The following PIEZO2 variants were observed in gnomAD, a reference collection of about 807,000 sequenced individuals.
PIEZO2 encodes the protein piezo-type mechanosensitive ion channel component 2.
Under a neutral mutation model 337.3 loss-of-function variants are expected in PIEZO2, and 172 were observed. The observed-to-expected ratio is 0.51, with a 90% CI of 0.45 to 0.58. The LOEUF is 0.58. Ranked by LOEUF, PIEZO2 falls within the 20% of genes least tolerant of loss-of-function variation. PIEZO2 has a pLI of 0.00. For synonymous variants in PIEZO2, 1,251 were observed against 1,228.5 expected, an observed-to-expected ratio of 1.02 and a Z score of -0.38; for missense variants, 3,028 against 3,391.3, an observed-to-expected ratio of 0.89 and a Z score of 2.66.
rs570243639 is a variant in PIEZO2, at chr18:10,726,299, C to T, written c.5029+5108G>A. On this transcript the variant is annotated intron_variant, in intron 36 of 55. Coordinates refer to ENST00000674853, the MANE Select transcript of PIEZO2 (RefSeq NM_001378183.1). This position sits in a 1 kb window ranked among gnomAD's most constrained non-coding sequence, Gnocchi z 5.9. ...AATGGAAGCGTCGCGGCCAGAGCCC[C>T]GGCCAGGTGGAGCAGGTGGGTCCCC... 3 of 1,074,932 alleles carry T rather than the reference C, an allele frequency of 2.8e-6. No homozygotes were observed. Among genetic ancestry groups the T allele is most frequent in the Middle Eastern group, 2.1e-4 (1 of 4,866 alleles). The allele number at this position is 1,074,932 out of a possible 1,614,324, so 66.6% of individuals were successfully genotyped here. A position where few individuals can be genotyped will look rare whatever the true frequency, so the allele number is the denominator to read the frequency against.
Position 10,759,671 on chromosome 18 carries a change from A to G in PIEZO2, c.3655+34T>C, listed in dbSNP as rs2038039432. ...CGTCCGCTCAGTAATGGCTTCTTCTAAAAGTAGACGGCTCAAGGGAAGGGC... is the reference window on the plus strand; with the variant it reads ...CGTCCGCTCAGTAATGGCTTCTTCTGAAAGTAGACGGCTCAAGGGAAGGGC... On this transcript the variant is annotated intron_variant, in intron 25 of 55. Transcript: ENST00000674853. This position sits in a 1 kb window ranked among gnomAD's most constrained non-coding sequence, Gnocchi z 5.5. 1 of 1,536,538 alleles carries G rather than the reference A, an allele frequency of 6.5e-7. No individual in the cohort carries two copies. Among genetic ancestry groups the G allele is most frequent in the African/African-American group, 1.4e-5 (1 of 73,044 alleles).
intron 3 of PIEZO2, among the ~76,000 whole-genome samples, chr18:10,947,196 A>G (rs550765172): frequency 6.6e-6 from 1 of 152,318 alleles, no homozygotes; most frequent in South Asian, 2.1e-4. Context: ...ACTAAAATAA[A>G]TAAATGAATC....
In PIEZO2 at chr18:11,127,549, G is replaced by C. The variant is rs137908413; in HGVS notation, c.64+20976C>G. On this transcript the variant is annotated intron_variant, in intron 1 of 55. Transcript: ENST00000674853. The surrounding 1 kb of genome is among the most constrained non-coding windows in gnomAD (Gnocchi z 4.5). ...TCTACATCTTTCTCCTGTGCTGAAT[G>C]CTTCCTGCCCTCGAACATCAGGCTC... Among the ~76,000 whole-genome samples, 3 of 152,178 alleles carry C rather than the reference G, an allele frequency of 2.0e-5. No homozygotes were observed. The highest frequency in any genetic ancestry group is 3.9e-4 in the East Asian group (2 of 5,164).
chr18:10,791,677 C>T (rs1482851858), intron 13 of PIEZO2: 1 of 159,192 alleles, frequency 6.3e-6, no homozygotes, highest in East Asian at 1.8e-4. Context: ...GACGTCATTA[C>T]AATTGTAAAA....
At position 10,767,949 on chromosome 18, in the gene PIEZO2, GCACAGGC is replaced by G. The variant is rs1227979414; in HGVS notation, c.2946+2192_2946+2198del. ...CAGAGCGTGAGGCCATCATGGGATG[GCACAGGC>G]CAAGTCACAACATCCCCATCCCAGG... On this transcript the variant is annotated intron_variant, in intron 21 of 55. Transcript: ENST00000674853. The surrounding 1 kb of genome is among the most constrained non-coding windows in gnomAD (Gnocchi z 4.2). Among the ~76,000 whole-genome samples, 3 of 152,216 alleles carry G rather than the reference GCACAGGC, an allele frequency of 2.0e-5. No individual in the cohort carries two copies. Among genetic ancestry groups the G allele is most frequent in the African/African-American group, 7.2e-5 (3 of 41,468 alleles).
intron 2 of PIEZO2, among the ~76,000 whole-genome samples, chr18:11,055,612 ACTC>A (rs1399018038): frequency 7.5e-6 from 1 of 133,256 alleles, no homozygotes; most frequent in Admixed American, 8.1e-5. Flanking sequence ...AATAACAGTG[ACTC>A]AGTGACTATT....
At chr18:10,679,046 C>T (rs1282908984) in intron 52 of PIEZO2, among the ~76,000 whole-genome samples, 2 of 151,790 alleles carry the variant, frequency 1.3e-5, no homozygotes, top group Non-Finnish European at 1.5e-5. Context: ...GATTCTCCTG[C>T]CTCAGCCTCC....
chr18:11,025,001 T>C (rs1476022072), intron 2 of PIEZO2, among the ~76,000 whole-genome samples: 1 of 151,978 alleles, frequency 6.6e-6, no homozygotes, highest in Non-Finnish European at 1.5e-5. Flanking sequence ...AAGTTGAATG[T>C]AGTACATAGC....
rs1367448772 is a variant in PIEZO2, at chr18:10,704,380, G to C, written c.6258+14C>G. 1 of 1,536,548 alleles carries C rather than the reference G, an allele frequency of 6.5e-7. No homozygotes were observed. Among genetic ancestry groups the C allele is most frequent in the South Asian group, 1.2e-5 (1 of 84,032 alleles). ...CGCCTGAAGCCATCCACAGGGGTCT[G>C]CGTCCAGGCCTACCTCAGTATAGAC... On this transcript the variant is annotated intron_variant, in intron 42 of 55. Coordinates refer to ENST00000674853, the MANE Select transcript of PIEZO2 (RefSeq NM_001378183.1).
chr18:10,725,541 C>A, intron 36 of PIEZO2: 1 of 1,377,384 alleles, frequency 7.3e-7, no homozygotes, highest in South Asian at 1.4e-5. Flanking sequence ...AGGGGCCCCA[C>A]TAACTCCCCC....
chr18:10,730,948 G>C (rs974929631), intron 36 of PIEZO2, among the ~76,000 whole-genome samples: 3 of 151,942 alleles, frequency 2.0e-5, no homozygotes, highest in Admixed American at 6.6e-5. Flanking sequence ...GGATGGTCTC[G>C]ATCTCCTGAC....
intron 3 of PIEZO2, among the ~76,000 whole-genome samples, chr18:10,934,466 A>G (rs766671207): frequency 6.0e-4 from 92 of 152,268 alleles, no homozygotes; most frequent in Middle Eastern, 3.4e-3. Context: ...GGCTTTTACA[A>G]TACCACTCCC....
chr18:10,876,890 A>C (rs1419047019), intron 4 of PIEZO2, among the ~76,000 whole-genome samples: 2 of 152,040 alleles, frequency 1.3e-5, no homozygotes, highest in Admixed American at 6.6e-5. Context: ...TGCTCTCCCA[A>C]CTGCAAGGCC....
chr18:10,817,931 A>G (rs903552774), intron 7 of PIEZO2, among the ~76,000 whole-genome samples: 3 of 152,086 alleles, frequency 2.0e-5, no homozygotes, highest in African/African-American at 4.8e-5. Flanking sequence ...AAAAAAAAAA[A>G]AAAAAAAGTA....
chr18:11,072,724 C>T (rs115035900), intron 1 of PIEZO2, among the ~76,000 whole-genome samples: 199 of 152,348 alleles, frequency 1.3e-3, no homozygotes, highest in African/African-American at 4.7e-3. Flanking sequence ...GTTTGCACCA[C>T]TGCAGTCGGG....
rs549631487 is a variant in PIEZO2 at position 11,005,339 on chromosome 18, T to G, written c.161-25679A>C. Among the ~76,000 whole-genome samples the G allele has an allele frequency of 3.7e-4, 57 of 152,362 alleles. 1 individual carries two copies. Among genetic ancestry groups the G allele is most frequent in the Admixed American group, 3.7e-3 (57 of 15,306 alleles). ...TCCCACCATGCTACACTTCATTCTC[T>G]TGTGCCCAATATAACTTTGCGTTTG... On this transcript the variant is annotated intron_variant, in intron 2 of 55. Coordinates refer to ENST00000674853, the MANE Select transcript of PIEZO2 (RefSeq NM_001378183.1).
rs1377203096 is a variant in PIEZO2 at position 10,870,584 on chromosome 18, G to T, written c.492+669C>A. ...ACAGTGTCCTGAGGCTGGTCAGGGG[G>T]CAGCGTGAGAGCCGTCTGACAGCTC... On this transcript the variant is annotated intron_variant, in intron 5 of 55. Transcript: ENST00000674853. The surrounding 1 kb of genome is among the most constrained non-coding windows in gnomAD (Gnocchi z 5.3). Among the ~76,000 whole-genome samples, 1 of 151,280 alleles carries T rather than the reference G, an allele frequency of 6.6e-6. No homozygotes were observed.
intron 42 of PIEZO2, among the ~76,000 whole-genome samples, chr18:10,702,995 G>A (rs180946100): frequency 2.0e-5 from 3 of 152,278 alleles, no homozygotes; most frequent in Non-Finnish European, 2.9e-5. Flanking sequence ...TGGACTACAG[G>A]TGTAAGCCAC....
At chr18:10,950,814 C>T (rs768899858) in intron 3 of PIEZO2, among the ~76,000 whole-genome samples, 2 of 152,192 alleles carry the variant, frequency 1.3e-5, no homozygotes, top group Non-Finnish European at 2.9e-5. Flanking sequence ...GCTTCTGTCT[C>T]CCATTCCTCA....
Sources: gnomAD v4.1 joint callset for allele counts (sites outside exome capture counted in the v4.1 genomes callset) on GRCh38, gnomAD v4.1.1 for gene constraint, Gnocchi (gnomAD v3.1) non-coding constraint, MANE v1.5 for transcripts, NCBI Gene and HGNC (gene_info 2026-07-23, HGNC 2026-07-21) for gene names.